DUS1L: variants seen among roughly 807,000 people sequenced by gnomAD.
DUS1L encodes the protein dihydrouridine synthase 1 like, also known as tRNA-dihydrouridine(16/17) synthase [NAD(P)(+)]-like.
A neutral mutation model predicts 61.2 loss-of-function variants in DUS1L; 56 were observed. The ratio of observed to expected loss-of-function variants is 0.92; its 90% confidence interval spans 0.74 to 1.14. The LOEUF is 1.14. Among genes scored for constraint, DUS1L ranks in the 50% most tolerant of loss-of-function variants. The pLI is 0.00. For missense variants in DUS1L, 630 were observed against 632.4 expected (o/e 1.00, Z 0.04); for synonymous variants, 278 against 259.5 (o/e 1.07, Z -0.69).
rs759921904 is a variant in DUS1L at position 82,062,960 on chromosome 17, G to C, written c.411C>G (p.His137Gln). The change falls in exon 5 of 14, where the codon CAC becomes CAG. Residue 137 changes from histidine to glutamine, a missense_variant. Transcript: ENST00000306796. Reference sequence around the variant, plus strand: ...ACGTGACAGGAACAGAGAGTTTCTCGTGGGCCAGCAAAACTGGGGAGAAGA... The same window carrying C: ...ACGTGACAGGAACAGAGAGTTTCTCCTGGGCCAGCAAAACTGGGGAGAAGA... ...DLLQRMILLA[H>Q]EKLSVPVTCK... 6.2e-7 allele frequency: 1 copy of C among 1,612,878 alleles called. No individual in the cohort carries two copies.
rs754501147 is a variant in DUS1L, at chr17:82,061,208, C to T, written c.842+1G>A. ...GGCTTCTGCCTTAGGGGGCAACTCA[C>T]GTGTGGTGCCACAGCTTGAAGAGGT... is the stretch of plus-strand genomic sequence containing the variant. On this transcript the variant is annotated splice_donor_variant, in intron 8 of 13. Transcript: ENST00000306796. LOFTEE classifies it high-confidence loss of function. 21 of 1,585,140 alleles carry T rather than the reference C, an allele frequency of 1.3e-5. No homozygotes were observed. The highest frequency in any genetic ancestry group is 6.8e-5 in the South Asian group (6 of 87,908).
rs942379326 is a variant in DUS1L, at chr17:82,057,846, T to G, written c.*269A>C. 2 of 341,724 alleles carry G rather than the reference T, an allele frequency of 5.9e-6. No individual in the cohort carries two copies. The highest frequency in any genetic ancestry group is 5.3e-6 in the Non-Finnish European group (1 of 188,594). 21.2% of individuals were successfully genotyped at this position (341,724 alleles called of 1,614,324 possible). On this transcript the variant is annotated 3_prime_UTR_variant, in exon 14 of 14. Coordinates refer to ENST00000306796, the MANE Select transcript of DUS1L (RefSeq NM_022156.5). ...GCCCCGGCTCATGCCTCCCTGGGTC[T>G]GAGAGGGCAGTGGTCACAGGCTGTG...
intron 3 of DUS1L, 59 bp downstream of exon 3, chr17:82,064,067 T>A: frequency 1.4e-6 from 2 of 1,465,734 alleles, no homozygotes; most frequent in Non-Finnish European, 1.9e-6. Flanking sequence ...CACCTGGGGC[T>A]GCACTGAGCT....
Position 82,058,076 on chromosome 17 carries a change from G to A in DUS1L, c.*39C>T. On this transcript the variant is annotated 3_prime_UTR_variant, in exon 14 of 14. Coordinates refer to ENST00000306796, the MANE Select transcript of DUS1L (RefSeq NM_022156.5). ...CATTTTCTTAAGTAGGACGTGTCCAGGCTCCAGCAGCAGTCCTGGGGGTGG... is the reference window on the plus strand; with the variant it reads ...CATTTTCTTAAGTAGGACGTGTCCAAGCTCCAGCAGCAGTCCTGGGGGTGG... 1 of 1,495,180 alleles carries A rather than the reference G, an allele frequency of 6.7e-7. No individual in the cohort carries two copies. Among genetic ancestry groups the A allele is most frequent in the Non-Finnish European group, 8.9e-7 (1 of 1,119,800 alleles). 92.6% of individuals were successfully genotyped at this position (1,495,180 alleles called of 1,614,324 possible).
chr17:82,065,768 C>A lies in DUS1L; in HGVS notation c.-166G>T. On this transcript the variant is annotated 5_prime_UTR_variant, in exon 1 of 14. Coordinates refer to ENST00000306796, the MANE Select transcript of DUS1L (RefSeq NM_022156.5). ...GCCCGCACCGCGCCGGGGCCGCCGC[C>A]GGGCCGCAGCCGGGCCCAAGGCTCC... 1 of 148,098 alleles carries A rather than the reference C, an allele frequency of 6.8e-6. No individual in the cohort carries two copies. The highest frequency in any genetic ancestry group is 2.0e-4 in the South Asian group (1 of 4,904). The allele number at this position is 148,098 out of a possible 1,614,324, so 9.2% of individuals were successfully genotyped here. A position where few individuals can be genotyped will look rare whatever the true frequency, so the allele number is the denominator to read the frequency against.
Position 82,058,062 on chromosome 17 carries a change from G to A in DUS1L, c.*53C>T. 1.4e-6 allele frequency: 2 copies of A among 1,469,950 alleles called. No homozygotes were observed. Among genetic ancestry groups the A allele is most frequent in the Non-Finnish European group, 1.8e-6 (2 of 1,108,654 alleles). 91.1% of individuals were successfully genotyped at this position (1,469,950 alleles called of 1,614,324 possible). A position where few individuals can be genotyped will look rare whatever the true frequency, so the allele number is the denominator to read the frequency against. On this transcript the variant is annotated 3_prime_UTR_variant, in exon 14 of 14. Coordinates refer to ENST00000306796, the MANE Select transcript of DUS1L (RefSeq NM_022156.5). Reference sequence around the variant, plus strand: ...CCCTGAGTAAAAGGCATTTTCTTAAGTAGGACGTGTCCAGGCTCCAGCAGC... The same window carrying A: ...CCCTGAGTAAAAGGCATTTTCTTAAATAGGACGTGTCCAGGCTCCAGCAGC...
Position 82,059,014 on chromosome 17 carries a change from A to G in DUS1L, c.1169-196T>C, listed in dbSNP as rs569886152. 109 of 602,164 alleles carry G rather than the reference A, an allele frequency of 1.8e-4. 1 individual carries two copies. The African/African-American group carries it at 1.8e-3, about 10-fold the overall frequency. 37.3% of individuals were successfully genotyped at this position (602,164 alleles called of 1,614,324 possible). ...CCTTCCGTGAGCAATGGGTGAGGGG[A>G]TGCAGGGGGCACCATCCTGCAGGAA... is the stretch of plus-strand genomic sequence containing the variant. On this transcript the variant is annotated intron_variant, in intron 11 of 13. Transcript: ENST00000306796.
At chr17:82,059,621 A>T in intron 11 of DUS1L, 1 of 343,146 alleles carries the variant, frequency 2.9e-6, no homozygotes, top group Non-Finnish European at 5.4e-6. Context: ...GCAGCTGCTC[A>T]GGTGTCCTGT....
chr17:82,061,465 C>G, intron 7 of DUS1L, 112 bp from the exon 8 acceptor site: 3 of 1,463,728 alleles, frequency 2.0e-6, no homozygotes. Flanking sequence ...AGGGACAAGG[C>G]CAGCTCAGGC....
Position 82,060,013 on chromosome 17 carries a change from A to G in DUS1L, c.1103T>C (p.Leu368Pro). The G allele has an allele frequency of 3.1e-6, 5 of 1,613,896 alleles. No homozygotes were observed. Among genetic ancestry groups the G allele is most frequent in the Non-Finnish European group, 4.2e-6 (5 of 1,179,988 alleles). The change falls in exon 11 of 14, where the codon CTG (leucine) becomes CCG (proline). Residue 368 changes from leucine to proline, a missense_variant. Transcript: ENST00000306796. Reference sequence around the variant, plus strand: ...CTGCTTCTTTTGCTTGTTCTTGGACAGGACCTCCGTGCCACCCTCCTCTTC... The same window carrying G: ...CTGCTTCTTTTGCTTGTTCTTGGACGGGACCTCCGTGCCACCCTCCTCTTC... ...LEEEEGGTEV[L>P]SKNKQKKQLR...
In DUS1L at chr17:82,058,131, C is replaced by G; in HGVS notation, c.1406G>C (p.Gly469Ala). Residue 469 changes from glycine to alanine, a missense_variant, in exon 14 of 14, where the codon GGC (glycine) becomes GCC (alanine). Coordinates refer to ENST00000306796, the MANE Select transcript of DUS1L (RefSeq NM_022156.5). ...TGTGGGCCTTCAGGCCAGGGCACTG[C>G]CCATGACTTCGGAGAAGCCACCTGG... ...GTPGGFSEVM[G>A]SALA 6.3e-7 allele frequency: 1 copy of G among 1,586,062 alleles called. No homozygotes were observed. Among genetic ancestry groups the G allele is most frequent in the Admixed American group, 1.7e-5 (1 of 58,238 alleles).
rs115706008 is a variant in DUS1L, at chr17:82,060,159, C to T, written c.1023-66G>A. 6,779 of 1,564,144 alleles carry T rather than the reference C, an allele frequency of 4.3e-3. 263 individuals carry two copies. In the African/African-American group the frequency reaches 0.082, roughly 19 times the overall value. ...GAGGGGCCCAGCAGCCACAGCCACA[C>T]GGGTCTGAGTCTGGGTGAGGGGCCA... On this transcript the variant is annotated intron_variant, in intron 10 of 13. Coordinates refer to ENST00000306796, the MANE Select transcript of DUS1L (RefSeq NM_022156.5).
At chr17:82,058,994 C>G in intron 11 of DUS1L, 176 bp from the exon 12 acceptor site, 5 of 630,466 alleles carry the variant, frequency 7.9e-6, no homozygotes, top group Non-Finnish European at 1.4e-5. Flanking sequence ...CTTTTCCTTC[C>G]GTGAGCAATG....
rs1650430538 is a variant in DUS1L, at chr17:82,058,974, G to A, written c.1169-156C>T. On this transcript the variant is annotated intron_variant, in intron 11 of 13. Transcript: ENST00000306796. Reference sequence around the variant, plus strand: ...CAGGGAGGGCAGAGGATGCAGGCTGGCCACGTCTGCTTTTCCTTCCGTGAG... The same window carrying A: ...CAGGGAGGGCAGAGGATGCAGGCTGACCACGTCTGCTTTTCCTTCCGTGAG... 15 of 681,032 alleles carry A rather than the reference G, an allele frequency of 2.2e-5. No homozygotes were observed. The South Asian group carries it at 2.5e-4, about 11-fold the overall frequency. The allele number at this position is 681,032 out of a possible 1,614,324, so 42.2% of individuals were successfully genotyped here.
At chr17:82,059,156 C>T (rs573409377) in intron 11 of DUS1L, 2 of 304,938 alleles carry the variant, frequency 6.6e-6, no homozygotes, top group Non-Finnish European at 1.3e-5. Context: ...AAGGGGGGTT[C>T]CATGCCCTTC....
In DUS1L at chr17:82,064,212, A is replaced by G. The variant is rs1477538851; in HGVS notation, c.260T>C (p.Val87Ala). ...AGCCAGGAGAGCCGCCTGAACAAAC[A>G]CCTCCGGGTCATTGGCACAGAACTG... ...IVQFCANDPE[V>A]FVQAALLAQD... Residue 87 changes from valine to alanine, a missense_variant, in exon 3 of 14, where the codon GTG (valine) becomes GCG (alanine). Transcript: ENST00000306796. The G allele has an allele frequency of 1.2e-6, 2 of 1,611,340 alleles. No individual in the cohort carries two copies. The highest frequency in any genetic ancestry group is 8.5e-7 in the Non-Finnish European group (1 of 1,179,640).
In DUS1L at chr17:82,065,769, G is replaced by C. The variant is rs1365736003; in HGVS notation, c.-167C>G. ...CCCGCACCGCGCCGGGGCCGCCGCC[G>C]GGCCGCAGCCGGGCCCAAGGCTCCG... On this transcript the variant is annotated 5_prime_UTR_variant, in exon 1 of 14. Coordinates refer to ENST00000306796, the MANE Select transcript of DUS1L (RefSeq NM_022156.5). The C allele has an allele frequency of 6.7e-6, 1 of 148,168 alleles. No individual in the cohort carries two copies. The highest frequency in any genetic ancestry group is 1.5e-5 in the Non-Finnish European group (1 of 66,648). The allele number at this position is 148,168 out of a possible 1,614,324, so 9.2% of individuals were successfully genotyped here.
Position 82,060,023 on chromosome 17 carries a change from T to C in DUS1L, c.1093A>G (p.Thr365Ala), listed in dbSNP as rs2033398691. ...TGCTTGTTCTTGGACAGGACCTCCG[T>C]GCCACCCTCCTCTTCCTCCAGGGCC... ...KRALEEEEGG[T>A]EVLSKNKQKK... The change falls in exon 11 of 14, where the codon ACG becomes GCG. Residue 365 changes from threonine (T) to alanine (A), a missense_variant. Transcript: ENST00000306796. 3.1e-6 allele frequency: 5 copies of C among 1,613,870 alleles called. No homozygotes were observed. The East Asian group carries it at 1.1e-4, about 36-fold the overall frequency.
Position 82,061,609 on chromosome 17 carries a change from C to T in DUS1L, c.697+9G>A. The T allele has an allele frequency of 6.2e-7, 1 of 1,608,494 alleles. No individual in the cohort carries two copies. Among genetic ancestry groups the T allele is most frequent in the Non-Finnish European group, 8.5e-7 (1 of 1,178,500 alleles). ...TGGGGCCCTGGCTGCTGTCCTGGGCCCTGCCCACCTGCGCTCATGACGCCC... is the reference window on the plus strand; with the variant it reads ...TGGGGCCCTGGCTGCTGTCCTGGGCTCTGCCCACCTGCGCTCATGACGCCC... On this transcript the variant is annotated intron_variant, in intron 7 of 13. Coordinates refer to ENST00000306796, the MANE Select transcript of DUS1L (RefSeq NM_022156.5).
Sources: gnomAD v4.1 joint callset for allele counts on GRCh38, gnomAD v4.1.1 for gene constraint, MANE v1.5 for transcripts, NCBI Gene and HGNC (gene_info 2026-07-23, HGNC 2026-07-21) for gene names.